NPAS3: variants seen among roughly 807,000 people sequenced by gnomAD.
NPAS3 encodes neuronal PAS domain-containing protein 3.
NPAS3 carries 14 observed loss-of-function variants against 73.1 expected under a neutral mutation model. The observed-to-expected ratio is 0.19, with a 90% CI of 0.13 to 0.30. NPAS3 has a LOEUF of 0.30. Among genes scored for constraint, NPAS3 ranks in the 10% least tolerant of loss-of-function variants. The pLI is 1.00. For missense variants in NPAS3, 1,096 were observed against 1,250.0 expected, an observed-to-expected ratio of 0.88 and a Z score of 1.86; for synonymous variants, 620 against 541.5, an observed-to-expected ratio of 1.14 and a Z score of -2.01.
intron 4 of NPAS3, among the ~76,000 whole-genome samples, chr14:33,381,273 C>T (rs2046540934): frequency 6.6e-6 from 1 of 152,162 alleles, no homozygotes; most frequent in African/African-American, 2.4e-5. Flanking sequence ...ATTTAATCTT[C>T]CGGAAGATAT....
At chr14:33,543,999 A>ATC (rs1566988672) in intron 4 of NPAS3, among the ~76,000 whole-genome samples, 7 of 64,162 alleles carry the variant, frequency 1.1e-4, no homozygotes, top group Non-Finnish European at 2.1e-4. Flanking sequence ...ATATATATAT[A>ATC]TATCTATATC....
chr14:33,789,614 A>T (rs2138604029), intron 9 of NPAS3, among the ~76,000 whole-genome samples: 1 of 45,680 alleles, frequency 2.2e-5, no homozygotes, highest in East Asian at 1.2e-3. Flanking sequence ...TTTGAGACGG[A>T]GTCTCGCTCT....
chr14:33,501,813 G>T (rs891249290), intron 4 of NPAS3, among the ~76,000 whole-genome samples: 1 of 151,840 alleles, frequency 6.6e-6, no homozygotes, highest in Admixed American at 6.6e-5. Context: ...TAATTTCTGT[G>T]TTGGACTTTC....
intron 5 of NPAS3, chr14:33,578,235 C>T (rs1958542): frequency 0.17 from 78,874 of 455,666 alleles, 7,872 homozygotes; most frequent in East Asian, 0.34. Flanking sequence ...CTCTTGTTGC[C>T]CAGGCTGGAG....
chr14:33,311,512 C>T (rs1013728064), intron 3 of NPAS3, among the ~76,000 whole-genome samples: 1 of 152,042 alleles, frequency 6.6e-6, no homozygotes, highest in Admixed American at 6.6e-5. Flanking sequence ...TTTAATACTA[C>T]TGAACTTGTG....
intron 5 of NPAS3, among the ~76,000 whole-genome samples, chr14:33,590,479 T>C (rs1031775300): frequency 2.0e-5 from 3 of 151,996 alleles, no homozygotes; most frequent in African/African-American, 7.3e-5. Flanking sequence ...ATTTGGGGGG[T>C]GGTTGGTTGA....
chr14:33,431,492 T>C (rs1474248577), intron 4 of NPAS3, among the ~76,000 whole-genome samples: 2 of 152,224 alleles, frequency 1.3e-5, no homozygotes, highest in Non-Finnish European at 2.9e-5. Flanking sequence ...TCTAGAACAA[T>C]GTGATTCATG....
At chr14:33,208,300 C>T (rs2046906098) in intron 2 of NPAS3, among the ~76,000 whole-genome samples, 1 of 152,056 alleles carries the variant, frequency 6.6e-6, no homozygotes, top group Admixed American at 6.6e-5. Context: ...CTGTGCAGAC[C>T]TCTCAGCGTT....
At chr14:33,197,295 A>G (rs1370882056) in intron 2 of NPAS3, among the ~76,000 whole-genome samples, 2 of 144,652 alleles carry the variant, frequency 1.4e-5, no homozygotes, top group Admixed American at 6.9e-5. Context: ...TCCACTGTAC[A>G]GTCAGTCCTA....
At chr14:33,250,539 C>T (rs983034400) in intron 3 of NPAS3, among the ~76,000 whole-genome samples, 1 of 152,094 alleles carries the variant, frequency 6.6e-6, no homozygotes, top group East Asian at 1.9e-4. Flanking sequence ...CACTGATGCT[C>T]GCATTAAACT....
intron 3 of NPAS3, among the ~76,000 whole-genome samples, chr14:33,326,599 G>A (rs77264982): frequency 0.13 from 19,781 of 152,136 alleles, 1,355 homozygotes; most frequent in South Asian, 0.18. Context: ...ATTATAGAAC[G>A]TGAAAATCTA....
chr14:33,564,808 T>C (rs2139781074), intron 5 of NPAS3, among the ~76,000 whole-genome samples: 1 of 152,294 alleles, frequency 6.6e-6, no homozygotes, highest in East Asian at 1.9e-4. Context: ...TTCAAGTTAA[T>C]ATAGGGTCCT....
At chr14:33,784,721 T>TTTTTTTTA (rs1555333478) in intron 9 of NPAS3, among the ~76,000 whole-genome samples, 6 of 104,068 alleles carry the variant, frequency 5.8e-5, no homozygotes, top group African/African-American at 2.0e-4. Flanking sequence ...TTATTGTTAT[T>TTTTTTTTA]TTTATTTATT....
intron 2 of NPAS3, among the ~76,000 whole-genome samples, chr14:33,088,239 C>G (rs2042102389): frequency 6.6e-6 from 1 of 151,928 alleles, no homozygotes; most frequent in African/African-American, 2.4e-5. Flanking sequence ...CAGGGAGAGG[C>G]ATCACCTCAC....
At chr14:33,252,169 A>G (rs1333985299) in intron 3 of NPAS3, among the ~76,000 whole-genome samples, 1 of 151,348 alleles carries the variant, frequency 6.6e-6, no homozygotes, top group African/African-American at 2.4e-5. Context: ...TTATCTAGTG[A>G]CTATGAGCAA....
At chr14:33,090,513 C>T (rs949314739) in intron 2 of NPAS3, among the ~76,000 whole-genome samples, 4 of 152,154 alleles carry the variant, frequency 2.6e-5, no homozygotes, top group Admixed American at 2.6e-4. Flanking sequence ...CCTTAGAGAC[C>T]TACAAAGAGA....
At chr14:33,067,859 T>A (rs1425622311) in intron 2 of NPAS3, among the ~76,000 whole-genome samples, 1 of 152,246 alleles carries the variant, frequency 6.6e-6, no homozygotes, top group African/African-American at 2.4e-5. Flanking sequence ...TGCTTTATCT[T>A]CATTTATATA....
chr14:33,668,722 G>A (rs572048388), intron 5 of NPAS3, among the ~76,000 whole-genome samples: 2 of 152,320 alleles, frequency 1.3e-5, no homozygotes, highest in South Asian at 4.1e-4. Context: ...CAGAGGCTGA[G>A]ACCGGAGGAT....
At chr14:33,134,747 G>C (rs943751185) in intron 2 of NPAS3, among the ~76,000 whole-genome samples, 1 of 152,078 alleles carries the variant, frequency 6.6e-6, no homozygotes, top group Admixed American at 6.6e-5. Context: ...TGTATTGCTG[G>C]TATGAAATTA....
Sources: gnomAD v4.1 joint callset for allele counts (sites outside exome capture counted in the v4.1 genomes callset) on GRCh38, gnomAD v4.1.1 for gene constraint, MANE v1.5 for transcripts, NCBI Gene and HGNC (gene_info 2026-07-23, HGNC 2026-07-21) for gene names.